Variants in PDE6A observed in about 807,000 individuals in gnomAD.
The protein encoded by PDE6A is rod cGMP-specific 3',5'-cyclic phosphodiesterase subunit alpha.
Under a neutral mutation model 106.3 loss-of-function variants are expected in PDE6A, and 84 were observed. That is an observed-to-expected ratio of 0.79 (90% CI 0.66 to 0.95). The LOEUF (loss-of-function observed/expected upper bound fraction) is 0.95, where lower values mean the gene tolerates loss of function less well. Ranked by LOEUF, PDE6A falls within the 40% of genes least tolerant of loss-of-function variation. The pLI is 0.00. For synonymous variants in PDE6A, 394 were observed against 386.6 expected (o/e 1.02, Z -0.23); for missense variants, 1,052 against 1,084.9 (o/e 0.97, Z 0.43).
chr5:149,903,593 C>T, intron 8 of PDE6A, 55 bp downstream of exon 8: 1 of 1,376,598 alleles, frequency 7.3e-7, no homozygotes, highest in South Asian at 1.2e-5. Flanking sequence ...TTCTAATGCT[C>T]TTTGGGGAGG....
chr5:149,932,021 C>G, intron 3 of PDE6A: 4 of 1,500,810 alleles, frequency 2.7e-6, no homozygotes, highest in Non-Finnish European at 3.7e-6. Context: ...AGCGGCAAAA[C>G]CAGAGCCAGC....
Position 149,874,975 on chromosome 5 carries a change from A to C in PDE6A, c.2136-6817T>G, listed in dbSNP as rs117412416. 7.9e-5 allele frequency among the ~76,000 whole-genome samples: 12 copies of C among 152,246 alleles called. No individual in the cohort carries two copies. The East Asian group carries it at 2.3e-3, about 29-fold the overall frequency. ...CTGAGCAGATGAGGAAACTGAGGTG[A>C]GGGAGTAAGTCACCTGCTTGAGGTC... On this transcript the variant is annotated intron_variant, in intron 17 of 21. Coordinates refer to ENST00000255266, the MANE Select transcript of PDE6A (RefSeq NM_000440.3).
intron 1 of PDE6A, among the ~76,000 whole-genome samples, chr5:149,935,271 T>A (rs1754149653): frequency 6.6e-6 from 1 of 150,926 alleles, no homozygotes; most frequent in African/African-American, 2.4e-5. Flanking sequence ...TGTGAGTGTG[T>A]GTGTGTGTGT....
intron 6 of PDE6A, among the ~76,000 whole-genome samples, chr5:149,910,185 T>C (rs1753331168): frequency 7.2e-6 from 1 of 138,012 alleles, no homozygotes. Context: ...TAATGCTCTT[T>C]GGTATGTCTA....
intron 4 of PDE6A, among the ~76,000 whole-genome samples, chr5:149,928,209 C>CCATATATATATATATATA (rs1554091926): frequency 2.2e-5 from 1 of 44,556 alleles, no homozygotes; most frequent in African/African-American, 1.4e-4. Context: ...ATTGTATGTG[C>CCATATATATATATATATA]TATATATATA....
At chr5:149,886,440 C>T (rs1027334000) in intron 13 of PDE6A, 66 bp from the exon 14 acceptor site, 64 of 1,243,332 alleles carry the variant, frequency 5.1e-5, no homozygotes, top group Middle Eastern at 2.1e-4. Flanking sequence ...GCTGAAAAGG[C>T]GGGTGTAAGG....
At chr5:149,903,768 A>ATG (rs893869255) in intron 7 of PDE6A, 73 bp from the exon 8 acceptor site, 19 of 1,067,336 alleles carry the variant, frequency 1.8e-5, no homozygotes, top group Non-Finnish European at 2.8e-5. Flanking sequence ...ACTGTATACC[A>ATG]TTTTCAGAAA....
chr5:149,886,268 A>T lies in PDE6A; in HGVS notation c.1835T>A (p.Met612Lys). Residue 612 changes from methionine to lysine, a missense_variant, in exon 14 of 22, where the codon ATG (methionine) becomes AAG (lysine). Physicochemically the swap from Met to Lys is moderately conservative, Grantham distance 95. This residue lies in a region of PDE6A where 913 missense variants were observed against 915.2 expected (regional missense o/e 1.00). Transcript: ENST00000255266. ...DHRGTNNLYQMKSQNPLAKLH... is the reference protein window; with the variant it reads ...DHRGTNNLYQKKSQNPLAKLH... ...GTGGGGAGGGAGGCTGACTCACTTC[A>T]TCTGGTAGAGGTTATTGGTGCCTCT... is the stretch of plus-strand genomic sequence containing the variant. 1.9e-6 allele frequency: 3 copies of T among 1,610,172 alleles called. No individual in the cohort carries two copies. Among genetic ancestry groups the T allele is most frequent in the Non-Finnish European group, 2.6e-6 (3 of 1,176,402 alleles).
At position 149,860,946 on chromosome 5, in the gene PDE6A, T is replaced by TC. The variant is rs769569931; in HGVS notation, c.2531dup (p.Asn845LysfsTer57). On this transcript the variant is annotated frameshift_variant, in exon 22 of 22. Transcript: ENST00000255266. LOFTEE classifies it high-confidence loss of function. ...TAGTTGCACCCCCTGGGCTGGGGTT[T>TC]CCCCCCGGCTGATTTCCTGCGGCTG... is the stretch of plus-strand genomic sequence containing the variant. The TC allele has an allele frequency of 7.4e-6, 12 of 1,614,050 alleles. No individual in the cohort carries two copies. Among genetic ancestry groups the TC allele is most frequent in the East Asian group, 6.7e-5 (3 of 44,884 alleles).
chr5:149,928,231 A>ATTTT (rs1165259453), intron 4 of PDE6A, among the ~76,000 whole-genome samples: 15 of 19,740 alleles, frequency 7.6e-4, no homozygotes, highest in African/African-American at 1.4e-3. Flanking sequence ...ATATATATAT[A>ATTTT]TTTTTTTTTT....
intron 17 of PDE6A, among the ~76,000 whole-genome samples, chr5:149,871,962 G>C (rs1760574934): frequency 6.6e-6 from 1 of 152,198 alleles, no homozygotes; most frequent in African/African-American, 2.4e-5. Context: ...GAAGAGAGAG[G>C]TGTCAGGATG....
At chr5:149,883,242 C>T (rs1156600829) in intron 17 of PDE6A, among the ~76,000 whole-genome samples, 187 bp downstream of exon 17, 1 of 152,026 alleles carries the variant, frequency 6.6e-6, no homozygotes, top group East Asian at 1.9e-4. Flanking sequence ...ATTTTTAGTG[C>T]TAAAATAAAG....
At chr5:149,871,668 G>A (rs1046116272) in intron 17 of PDE6A, among the ~76,000 whole-genome samples, 1 of 152,176 alleles carries the variant, frequency 6.6e-6, no homozygotes, top group African/African-American at 2.4e-5. Context: ...GGCCCATGCA[G>A]AGCCCAGGCG....
At chr5:149,899,299 A>G (rs2113595003) in intron 9 of PDE6A, 76 bp downstream of exon 9, 2 of 1,446,404 alleles carry the variant, frequency 1.4e-6, no homozygotes, top group East Asian at 4.5e-5. Context: ...CCCATGTGAT[A>G]GCGCAGTGAC....
chr5:149,905,532 C>T (rs1753149275), intron 7 of PDE6A, among the ~76,000 whole-genome samples: 2 of 152,200 alleles, frequency 1.3e-5, no homozygotes, highest in Non-Finnish European at 2.9e-5. Context: ...CTGAAATTAG[C>T]TTTGACTCCT....
chr5:149,883,384 A>G (rs774064748), intron 17 of PDE6A, 45 bp downstream of exon 17: 10 of 1,309,312 alleles, frequency 7.6e-6, no homozygotes, highest in Admixed American at 1.7e-5. Flanking sequence ...TCGCCTCATG[A>G]TCCTAAGCCT....
At position 149,868,278 on chromosome 5, in the gene PDE6A, G is replaced by GA. The variant is rs1760408720; in HGVS notation, c.2136-121dup. 5.2e-6 allele frequency: 5 copies of GA among 960,748 alleles called. No individual in the cohort carries two copies. In the Admixed American group the frequency reaches 5.8e-5, roughly 11 times the overall value. 59.5% of individuals were successfully genotyped at this position (960,748 alleles called of 1,614,324 possible). A position where few individuals can be genotyped will look rare whatever the true frequency, so the allele number is the denominator to read the frequency against. The stretch of plus-strand genomic sequence containing the variant: ...GTAGGTGACTTTGTCTCATTGTGAG[G>GA]AAAGGGCTCACCCCCATTGCATCCA... On this transcript the variant is annotated intron_variant, in intron 17 of 21. Transcript: ENST00000255266.
chr5:149,903,538 C>G, intron 8 of PDE6A, 110 bp downstream of exon 8: 1 of 850,002 alleles, frequency 1.2e-6, no homozygotes, highest in Non-Finnish European at 2.0e-6. Context: ...CATATTTTCA[C>G]TTTGTTGAGG....
chr5:149,876,597 G>A (rs1331800014), intron 17 of PDE6A, among the ~76,000 whole-genome samples: 3 of 151,928 alleles, frequency 2.0e-5, no homozygotes, highest in Non-Finnish European at 2.9e-5. Context: ...CCGCCTCCCC[G>A]GTTCAAGCGG....
Sources: gnomAD v4.1 joint callset for allele counts (sites outside exome capture counted in the v4.1 genomes callset) on GRCh38, gnomAD v4.1.1 for gene constraint, gnomAD v4.1.1 regional missense constraint, MANE v1.5 for transcripts, NCBI Gene and HGNC (gene_info 2026-07-23, HGNC 2026-07-21) for gene names.